ATP8B4: variants seen among roughly 807,000 people sequenced by gnomAD.
ATP8B4 encodes the protein ATPase phospholipid transporting 8B4 (putative), also known as probable phospholipid-transporting ATPase IM.
ATP8B4 carries 133 observed loss-of-function variants against 145.6 expected under a neutral mutation model. The ratio of observed to expected loss-of-function variants is 0.91; its 90% CI spans 0.79 to 1.05. The LOEUF (loss-of-function observed/expected upper bound fraction) is 1.05, where lower values mean the gene tolerates loss of function less well. ATP8B4 is among the 50% of genes least tolerant of loss of function. The pLI is 0.00. For missense variants in ATP8B4, 1,458 were observed against 1,425.2 expected (o/e 1.02, Z -0.37); for synonymous variants, 507 against 492.9 (o/e 1.03, Z -0.38).
intron 10 of ATP8B4, 92 bp from the exon 11 acceptor site, chr15:49,981,386 T>A (rs1265737222): frequency 1.6e-5 from 16 of 981,336 alleles, no homozygotes; most frequent in East Asian, 1.3e-4. Context: ...AAGAAAAAAA[T>A]ATATATTTTT....
Position 50,047,597 on chromosome 15 carries a change from G to T in ATP8B4, c.88-133C>A, listed in dbSNP as rs151326528. 242 of 640,096 alleles carry T rather than the reference G, an allele frequency of 3.8e-4. No individual in the cohort carries two copies. The East Asian group carries it at 5.8e-3, about 15-fold the overall frequency. The allele number at this position is 640,096 out of a possible 1,614,324, so 39.7% of individuals were successfully genotyped here. On this transcript the variant is annotated intron_variant, in intron 3 of 27. Transcript: ENST00000284509. Reference sequence around the variant, plus strand: ...ATCTAGGAAATTTCAACTCTGTGTGGCTCAAGGCCTTCATTTTTCCCAAGA... The same window carrying T: ...ATCTAGGAAATTTCAACTCTGTGTGTCTCAAGGCCTTCATTTTTCCCAAGA...
intron 3 of ATP8B4, among the ~76,000 whole-genome samples, chr15:50,065,229 T>C (rs1053681412): frequency 1.8e-4 from 28 of 152,276 alleles, no homozygotes; most frequent in African/African-American, 6.0e-4. Flanking sequence ...ACAATTTTTA[T>C]TTGTCAAAAA....
intron 14 of ATP8B4, among the ~76,000 whole-genome samples, chr15:49,959,769 C>T (rs1179028009): frequency 6.6e-6 from 1 of 151,804 alleles, no homozygotes; most frequent in Non-Finnish European, 1.5e-5. Flanking sequence ...ATGCAGAAAA[C>T]CTGAAAATGC....
chr15:50,155,638 G>A (rs1338705389), intron 1 of ATP8B4, among the ~76,000 whole-genome samples: 1 of 151,952 alleles, frequency 6.6e-6, no homozygotes, highest in Admixed American at 6.6e-5. Flanking sequence ...TCTTAAGGGG[G>A]TTCTACATAA....
chr15:50,063,492 T>C (rs140710332), intron 3 of ATP8B4, among the ~76,000 whole-genome samples: 3 of 152,234 alleles, frequency 2.0e-5, no homozygotes, highest in Admixed American at 6.6e-5. Context: ...AATAGTTTAA[T>C]GACAGAGTAA....
chr15:50,153,204 T>C (rs2044368409), intron 1 of ATP8B4, among the ~76,000 whole-genome samples: 1 of 152,194 alleles, frequency 6.6e-6, no homozygotes, highest in African/African-American at 2.4e-5. Flanking sequence ...AGGAAAACAT[T>C]GTTTTTCTAA....
At chr15:49,940,536 T>C (rs1455775995) in intron 14 of ATP8B4, among the ~76,000 whole-genome samples, 3 of 152,162 alleles carry the variant, frequency 2.0e-5, no homozygotes, top group African/African-American at 7.2e-5. Context: ...CAAGTATCCC[T>C]TGAATCTAAA....
In ATP8B4 at chr15:49,987,436, T is replaced by G. The variant is rs1296436113; in HGVS notation, c.703A>C (p.Ile235Leu). The G allele has an allele frequency of 6.2e-7, 1 of 1,613,940 alleles. No homozygotes were observed. Among genetic ancestry groups the G allele is most frequent in the South Asian group, 1.1e-5 (1 of 91,084 alleles). ...NNEKIILRGC[I>L]LRNTSWCFGM... ...AAACACCAGCTGGTATTTCTCAGGA[T>G]GCAGCCTCTCAGGATTATCTTCTCA... The change falls in exon 10 of 28, where the codon ATC becomes CTC. Residue 235 changes from isoleucine (I) to leucine (L), a missense_variant. By Grantham distance (5) the Ile-to-Leu change is conservative. Coordinates refer to ENST00000284509, the MANE Select transcript of ATP8B4 (RefSeq NM_024837.4).
At chr15:49,876,668 T>C (rs750251349) in intron 24 of ATP8B4, 145 bp from the exon 25 acceptor site, 1 of 1,116,336 alleles carries the variant, frequency 9.0e-7, no homozygotes, top group South Asian at 1.3e-5. Context: ...CATTATCTTG[T>C]TTGTATTCCC....
chr15:50,070,475 G>C (rs900108453), intron 3 of ATP8B4, among the ~76,000 whole-genome samples: 1 of 152,152 alleles, frequency 6.6e-6, no homozygotes, highest in Admixed American at 6.6e-5. Flanking sequence ...GCTGAGAGAG[G>C]CTCCACAGTT....
intron 6 of ATP8B4, among the ~76,000 whole-genome samples, chr15:50,025,865 G>A (rs774081783): frequency 6.6e-6 from 1 of 152,278 alleles, no homozygotes; most frequent in Non-Finnish European, 1.5e-5. Context: ...GTAAATGAAA[G>A]GTAAGGAGAC....
intron 1 of ATP8B4, among the ~76,000 whole-genome samples, chr15:50,131,032 G>A: frequency 8.0e-6 from 1 of 125,022 alleles, no homozygotes; most frequent in East Asian, 2.7e-4. Flanking sequence ...TCACAAGGCA[G>A]CAGGAAGGAG....
intron 7 of ATP8B4, chr15:50,009,594 C>A (rs746472515): frequency 1.6e-5 from 7 of 432,814 alleles, no homozygotes; most frequent in Admixed American, 5.2e-5. Context: ...AGTGCCCTTA[C>A]ACTGGAGCTA....
intron 17 of ATP8B4, among the ~76,000 whole-genome samples, chr15:49,921,785 T>C (rs1482507548): frequency 6.6e-6 from 1 of 152,208 alleles, no homozygotes; most frequent in Non-Finnish European, 1.5e-5. Flanking sequence ...AGTATCCAAA[T>C]TTCTATAGTA....
rs192714669 is a variant in ATP8B4 at position 50,172,288 on chromosome 15, G to T, written c.-43+9973C>A. ...CTGCCGAGTGCCTGGGATTGCAGGC[G>T]TGCGCCGCCACGCCTGACTGGTTTT... On this transcript the variant is annotated intron_variant, in intron 1 of 3. Transcript: ENST00000558829. Among the ~76,000 whole-genome samples, 924 of 152,340 alleles carry T rather than the reference G, an allele frequency of 6.1e-3. 11 individuals carry two copies. The highest frequency in any genetic ancestry group is 0.022 in the African/African-American group (899 of 41,564).
chr15:50,098,008 C>T (rs1015478957), intron 2 of ATP8B4, among the ~76,000 whole-genome samples: 1 of 152,138 alleles, frequency 6.6e-6, no homozygotes, highest in African/African-American at 2.4e-5. Context: ...GTAAGTAGAA[C>T]CAGGTTCATT....
At chr15:49,995,790 T>C (rs1268012526) in intron 9 of ATP8B4, among the ~76,000 whole-genome samples, 2 of 152,156 alleles carry the variant, frequency 1.3e-5, no homozygotes, top group Non-Finnish European at 1.5e-5. Flanking sequence ...TCTGTATGGA[T>C]ATACTAATAT....
chr15:50,140,159 A>G lies in ATP8B4; in HGVS notation c.-42-33151T>C, dbSNP rs1284224067. ...TAAAAAAACAAATGCTTGTACCCCA[A>G]AAGCTATTGAAATAAAAAATGTTTT... is the stretch of plus-strand genomic sequence containing the variant. On this transcript the variant is annotated intron_variant, in intron 1 of 3. Coordinates refer to the ATP8B4 transcript ENST00000558829. Among the ~76,000 whole-genome samples the G allele has an allele frequency of 2.6e-5, 4 of 152,222 alleles. No homozygotes were observed. The East Asian group carries it at 7.7e-4, about 29-fold the overall frequency.
intron 23 of ATP8B4, among the ~76,000 whole-genome samples, chr15:49,890,845 C>T (rs1463044876): frequency 1.3e-5 from 2 of 152,172 alleles, no homozygotes; most frequent in African/African-American, 2.4e-5. Context: ...TTCAATACCG[C>T]GAACATGCCA....
Sources: gnomAD v4.1 joint callset for allele counts (sites outside exome capture counted in the v4.1 genomes callset) on GRCh38, gnomAD v4.1.1 for gene constraint, MANE v1.5 for transcripts, NCBI Gene and HGNC (gene_info 2026-07-23, HGNC 2026-07-21) for gene names.